The following MBOAT7 variants were observed in gnomAD, a reference collection of about 807,000 sequenced individuals.
MBOAT7 encodes the protein membrane-bound acylglycerophosphatidylinositol O-acyltransferase MBOAT7.
Under a neutral mutation model 47.4 loss-of-function variants are expected in MBOAT7, and 40 were observed. The observed-to-expected ratio is 0.84, with a 90% CI of 0.66 to 1.10. The LOEUF is 1.10. Among genes scored for constraint, MBOAT7 ranks in the 50% least tolerant of loss-of-function variants. MBOAT7 has a pLI of 0.00. For missense variants in MBOAT7, 680 were observed against 655.6 expected (o/e 1.04, Z -0.41); for synonymous variants, 361 against 292.0 (o/e 1.24, Z -2.41).
In MBOAT7 at chr19:54,174,511, C is replaced by A. The variant is rs527663757; in HGVS notation, c.1032-80G>T. ...GCCCCCAGATCCAGGAGTCCAGGACCCCAGCCCCTCCTCCCTCAGACCGAG... is the reference window on the plus strand; with the variant it reads ...GCCCCCAGATCCAGGAGTCCAGGACACCAGCCCCTCCTCCCTCAGACCGAG... On this transcript the variant is annotated intron_variant, in intron 7 of 7. Transcript: ENST00000245615. The A allele has an allele frequency of 1.4e-4, 194 of 1,372,562 alleles. 1 individual carries two copies. In the South Asian group the frequency reaches 2.7e-3, roughly 19 times the overall value. 85.0% of individuals were successfully genotyped at this position (1,372,562 alleles called of 1,614,324 possible).
At chr19:54,186,537 C>G (rs1451381025) in intron 4 of MBOAT7, among the ~76,000 whole-genome samples, 2 of 152,150 alleles carry the variant, frequency 1.3e-5, no homozygotes, top group Non-Finnish European at 2.9e-5. Flanking sequence ...CAGCCTGCTC[C>G]CCTCCACACA....
Position 54,176,976 on chromosome 19 carries a change from C to T in MBOAT7, c.1031+1789G>A, listed in dbSNP as rs986878309. Among the ~76,000 whole-genome samples, 6 of 152,056 alleles carry T rather than the reference C, an allele frequency of 3.9e-5. No individual in the cohort carries two copies. The South Asian group carries it at 1.0e-3, about 26-fold the overall frequency. ...GTGACTCACGCCTGTAATCCCAGCA[C>T]GTTGGGAGGCCGAGGCACGCGGATC... On this transcript the variant is annotated intron_variant, in intron 7 of 7. Transcript: ENST00000245615.
rs1288308891 is a variant in MBOAT7, at chr19:54,187,249, T to C, written c.245A>G (p.Tyr82Cys). 1.9e-6 allele frequency: 3 copies of C among 1,610,202 alleles called. No individual in the cohort carries two copies. Among genetic ancestry groups the C allele is most frequent in the Non-Finnish European group, 1.7e-6 (2 of 1,178,562 alleles). ...GCTGAGGGCTCGGAAGAACAGGAGATAGGAGAAAGTCCAGGCCAGAGCCAG... is the reference window on the plus strand; with the variant it reads ...GCTGAGGGCTCGGAAGAACAGGAGACAGGAGAAAGTCCAGGCCAGAGCCAG... ...HALALAWTFS[Y>C]LLFFRALSLL... The change falls in exon 4 of 8, where the codon TAT (tyrosine) becomes TGT (cysteine). Residue 82 changes from tyrosine to cysteine, a missense_variant. By Grantham distance (194) the Tyr-to-Cys change is radical. Coordinates refer to ENST00000245615, the MANE Select transcript of MBOAT7 (RefSeq NM_024298.5).
At chr19:54,178,662 C>G (rs933653755) in intron 7 of MBOAT7, 103 bp downstream of exon 7, 16 of 1,497,852 alleles carry the variant, frequency 1.1e-5, no homozygotes, top group Non-Finnish European at 1.3e-5. Flanking sequence ...TTCCCATGAG[C>G]CTCCGGGGGC....
Position 54,178,775 on chromosome 19 carries a change from AGGAACG to A in MBOAT7, c.1015_1020del (p.Arg339_Ser340del). On this transcript the variant is annotated inframe_deletion, in exon 7 of 8. Coordinates refer to ENST00000245615, the MANE Select transcript of MBOAT7 (RefSeq NM_024298.5). ...GGCGGGCTCACTCACCGCAGGACATAGGAACGGGCAGGTGCGCTCTTGTAGATATAC... is the reference window on the plus strand; with the variant it reads ...GGCGGGCTCACTCACCGCAGGACATAGGCAGGTGCGCTCTTGTAGATATAC... 1 of 1,613,408 alleles carries A rather than the reference AGGAACG, an allele frequency of 6.2e-7. No homozygotes were observed. The highest frequency in any genetic ancestry group is 8.5e-7 in the Non-Finnish European group (1 of 1,179,988).
chr19:54,184,748 C>CA (rs777616392), intron 4 of MBOAT7, among the ~76,000 whole-genome samples: 13 of 151,792 alleles, frequency 8.6e-5, no homozygotes, highest in Non-Finnish European at 1.3e-4. Context: ...ACTAAAAATA[C>CA]AAAAAATTAG....
At chr19:54,188,618 G>T in intron 1 of MBOAT7, 107 bp from the exon 2 acceptor site, 3 of 1,033,458 alleles carry the variant, frequency 2.9e-6, no homozygotes, top group Non-Finnish European at 4.2e-6. Flanking sequence ...CAGTTTTTGA[G>T]GATGATGGAG....
rs201366800 is a variant in MBOAT7 at position 54,188,299 on chromosome 19, T to A, written c.124A>T (p.Thr42Ser). ...GTGTGGGGGCCACAGGTGAACAGGGTGAGCCCCAGGCCCACAGCGGCTGCT... is the reference window on the plus strand; with the variant it reads ...GTGTGGGGGCCACAGGTGAACAGGGAGAGCCCCAGGCCCACAGCGGCTGCT... ...WGAAAVGLGL[T>S]LFTCGPHTLH... Residue 42 changes from threonine to serine, a missense_variant, in exon 3 of 8, where the codon ACC (threonine) becomes TCC (serine). By Grantham distance (58) the Thr-to-Ser change is moderately conservative. Transcript: ENST00000245615. 1.4e-5 allele frequency: 22 copies of A among 1,613,416 alleles called. No individual in the cohort carries two copies. Among genetic ancestry groups the A allele is most frequent in the Non-Finnish European group, 1.9e-5 (22 of 1,179,826 alleles).
chr19:54,174,143 G>A lies in MBOAT7; in HGVS notation c.1320C>T (p.Ala440=). Residue 440 remains alanine (A), a synonymous_variant, in exon 8 of 8, where the codon GCC becomes GCT. Coordinates refer to ENST00000245615, the MANE Select transcript of MBOAT7 (RefSeq NM_024298.5). ...YFCIHFLALA[A]LGLGLALGGG... is the part of the protein sequence containing the mutation. ...CACCTAAAGCCAGCCCCAGCCCCAG[G>A]GCTGCCAGGGCCAGGAAGTGGATAC... 2.5e-6 allele frequency: 4 copies of A among 1,599,090 alleles called. No individual in the cohort carries two copies. Among genetic ancestry groups the A allele is most frequent in the Non-Finnish European group, 3.4e-6 (4 of 1,173,592 alleles).
intron 5 of MBOAT7, 31 bp from the exon 6 acceptor site, chr19:54,181,164 G>T: frequency 1.4e-6 from 2 of 1,451,926 alleles, no homozygotes; most frequent in Non-Finnish European, 1.8e-6. Context: ...GCCGCGGTCA[G>T]ACAGGCAGGT....
At position 54,180,880 on chromosome 19, in the gene MBOAT7, C is replaced by G. The variant is rs1249082596; in HGVS notation, c.747G>C (p.Trp249Cys). ...FAFRMRFYVA[W>C]IAAECGCIAA... ...CAATGCAGCCGCACTCGGCGGCAATCCAGGCCACGTAGAAGCGCATGCGGA... is the reference window on the plus strand; with the variant it reads ...CAATGCAGCCGCACTCGGCGGCAATGCAGGCCACGTAGAAGCGCATGCGGA... Residue 249 changes from tryptophan to cysteine, a missense_variant, in exon 6 of 8, where the codon TGG becomes TGC. Coordinates refer to ENST00000245615, the MANE Select transcript of MBOAT7 (RefSeq NM_024298.5). This position sits in a 1 kb window ranked among gnomAD's most constrained non-coding sequence, Gnocchi z 5.2. 2 of 1,594,338 alleles carry G rather than the reference C, an allele frequency of 1.3e-6. No individual in the cohort carries two copies. Among genetic ancestry groups the G allele is most frequent in the Middle Eastern group, 1.7e-4 (1 of 5,962 alleles).
At chr19:54,187,100 A>C in intron 4 of MBOAT7, 61 bp downstream of exon 4, 1 of 1,507,354 alleles carries the variant, frequency 6.6e-7, no homozygotes, top group South Asian at 1.2e-5. Context: ...GGGGGAGGTA[A>C]AGTGGGAGGT....
intron 1 of MBOAT7, among the ~76,000 whole-genome samples, chr19:54,188,931 T>A (rs1333395029): frequency 1.3e-5 from 2 of 150,932 alleles, no homozygotes. Flanking sequence ...AGCCCAGGAA[T>A]CTAGACCTCC....
intron 1 of MBOAT7, 96 bp from the exon 2 acceptor site, chr19:54,188,607 CCA>C: frequency 1.6e-6 from 2 of 1,216,654 alleles, no homozygotes; most frequent in Non-Finnish European, 2.3e-6. Context: ...CTTCTAGACC[CCA>C]GTTTTTGAGG....
At chr19:54,175,308 G>A (rs1209679641) in intron 7 of MBOAT7, among the ~76,000 whole-genome samples, 1 of 152,154 alleles carries the variant, frequency 6.6e-6, no homozygotes, top group Non-Finnish European at 1.5e-5. Flanking sequence ...GGGGTCCCAG[G>A]TCTGGCATCA....
chr19:54,182,298 T>C (rs2076309355), intron 5 of MBOAT7, among the ~76,000 whole-genome samples: 2 of 152,016 alleles, frequency 1.3e-5, no homozygotes, highest in Admixed American at 6.6e-5. Context: ...TATGATTCCA[T>C]TTGTAAGCGC....
chr19:54,183,001 C>CT (rs59222158), intron 5 of MBOAT7, among the ~76,000 whole-genome samples: 120,140 of 152,032 alleles, frequency 0.79, 47,645 homozygotes, highest in African/African-American at 0.85. Flanking sequence ...GCGCCCGGCC[C>CT]TTTAATTTTA....
chr19:54,174,145 C>G lies in MBOAT7; in HGVS notation c.1318G>C (p.Ala440Pro), dbSNP rs1165345395. The G allele has an allele frequency of 6.3e-7, 1 of 1,599,354 alleles. No homozygotes were observed. The highest frequency in any genetic ancestry group is 1.8e-5 in the Admixed American group (1 of 56,826). The change falls in exon 8 of 8, where the codon GCC (alanine) becomes CCC (proline). Residue 440 changes from alanine to proline, a missense_variant. Transcript: ENST00000245615. ...YFCIHFLALA[A>P]LGLGLALGGG... ...CCTAAAGCCAGCCCCAGCCCCAGGG[C>G]TGCCAGGGCCAGGAAGTGGATACAG...
chr19:54,173,996 G>C lies in MBOAT7; in HGVS notation c.*48C>G. On this transcript the variant is annotated 3_prime_UTR_variant, in exon 8 of 8. Transcript: ENST00000245615. Reference sequence around the variant, plus strand: ...TTTCTGGGGAGGAGACAGCAGCCTGGTTCACAGAATTCCCGGGACCAGCTG... The same window carrying C: ...TTTCTGGGGAGGAGACAGCAGCCTGCTTCACAGAATTCCCGGGACCAGCTG... 1 of 1,526,656 alleles carries C rather than the reference G, an allele frequency of 6.6e-7. No homozygotes were observed. Among genetic ancestry groups the C allele is most frequent in the Non-Finnish European group, 8.8e-7 (1 of 1,140,882 alleles). The allele number at this position is 1,526,656 out of a possible 1,614,324, so 94.6% of individuals were successfully genotyped here. A position where few individuals can be genotyped will look rare whatever the true frequency, so the allele number is the denominator to read the frequency against.
Sources: allele counts gnomAD v4.1 joint callset (sites outside exome capture counted in the v4.1 genomes callset), GRCh38; gene constraint gnomAD v4.1.1; non-coding constraint Gnocchi (gnomAD v3.1); transcripts MANE v1.5; gene names NCBI Gene and HGNC (gene_info 2026-07-23, HGNC 2026-07-21).